MAGI1: variants seen among roughly 807,000 people sequenced by gnomAD.
MAGI1 encodes the protein membrane associated guanylate kinase, WW and PDZ domain containing 1, also known as membrane-associated guanylate kinase, WW and PDZ domain-containing protein 1.
In MAGI1, 58 loss-of-function variants were observed where a neutral mutation model predicts 139.9. The observed-to-expected ratio is 0.41, with a 90% confidence interval of 0.34 to 0.52. The LOEUF (loss-of-function observed/expected upper bound fraction) is 0.52. Among genes scored for constraint, MAGI1 ranks in the 20% least tolerant of loss-of-function variants. The pLI is 0.12. For synonymous variants in MAGI1, 812 were observed against 737.9 expected (o/e 1.10, Z -1.63); for missense variants, 1,874 against 1,901.6 (o/e 0.99, Z 0.27).
chr3:65,690,021 T>C (rs1227488620), intron 1 of MAGI1, among the ~76,000 whole-genome samples: 1 of 152,102 alleles, frequency 6.6e-6, no homozygotes, highest in African/African-American at 2.4e-5. Context: ...AGGTTGACCC[T>C]ACTCCTTGGC....
chr3:65,891,430 C>G (rs1030358772), intron 1 of MAGI1, among the ~76,000 whole-genome samples: 1 of 151,956 alleles, frequency 6.6e-6, no homozygotes, highest in Non-Finnish European at 1.5e-5. Flanking sequence ...TAGGTAAGCA[C>G]CATCAATAAA....
Position 65,767,434 on chromosome 3 carries a change from G to A in MAGI1, c.314-145346C>T, listed in dbSNP as rs552010882. The stretch of plus-strand genomic sequence containing the variant: ...AGCCTGGCCAACATGGTGAAATCTC[G>A]TTTCTACTAAAAACACAGAAAAGAA... On this transcript the variant is annotated intron_variant, in intron 1 of 22. Transcript: ENST00000402939. 1.4e-4 allele frequency among the ~76,000 whole-genome samples: 21 copies of A among 151,098 alleles called. 1 individual carries two copies. The highest frequency in any genetic ancestry group is 6.9e-3 in the Middle Eastern group (2 of 290).
chr3:65,905,050 G>T (rs2061381778), intron 1 of MAGI1, among the ~76,000 whole-genome samples: 1 of 152,126 alleles, frequency 6.6e-6, no homozygotes, highest in Non-Finnish European at 1.5e-5. Flanking sequence ...ATACACAGGG[G>T]AGCTTAAAAA....
intron 1 of MAGI1, among the ~76,000 whole-genome samples, chr3:65,765,280 AG>A (rs2037374784): frequency 6.6e-6 from 1 of 152,178 alleles, no homozygotes; most frequent in Non-Finnish European, 1.5e-5. Context: ...TTACCAAAGG[AG>A]GGGAAAGGCT....
chr3:65,464,571 C>G (rs76685979), intron 5 of MAGI1, among the ~76,000 whole-genome samples: 1,998 of 152,216 alleles, frequency 0.013, 47 homozygotes, highest in African/African-American at 0.045. Context: ...CTGTATCTGA[C>G]ATTAATATGT....
intron 2 of MAGI1, among the ~76,000 whole-genome samples, chr3:65,593,891 T>C (rs557064045): frequency 1.3e-5 from 2 of 152,280 alleles, no homozygotes; most frequent in East Asian, 3.9e-4. Context: ...AGAAATATGT[T>C]TTTTTCTTTT....
rs553147432 is a variant in MAGI1 at position 66,032,391 on chromosome 3, T to G, written c.313+5605A>C. Among the ~76,000 whole-genome samples, 15 of 147,956 alleles carry G rather than the reference T, an allele frequency of 1.0e-4. No homozygotes were observed. In the South Asian group the frequency reaches 1.7e-3, roughly 17 times the overall value. On this transcript the variant is annotated intron_variant, in intron 1 of 22. Coordinates refer to ENST00000402939, the MANE Select transcript of MAGI1 (RefSeq NM_001033057.2). ...ACGCCCGGCTAATTTTTTTGTTTTT[T>G]TTTTTTTTTTAGTAGAGACAGGGTT... is the stretch of plus-strand genomic sequence containing the variant.
At chr3:65,490,689 A>G (rs1031698682) in intron 3 of MAGI1, among the ~76,000 whole-genome samples, 14 of 151,712 alleles carry the variant, frequency 9.2e-5, no homozygotes, top group African/African-American at 3.4e-4. Context: ...ACTAAAATAT[A>G]AAAACTTAGC....
At chr3:65,923,463 G>A (rs1017951109) in intron 1 of MAGI1, among the ~76,000 whole-genome samples, 1 of 151,938 alleles carries the variant, frequency 6.6e-6, no homozygotes, top group Non-Finnish European at 1.5e-5. Flanking sequence ...TTGACCTCAT[G>A]ATCCGCCCAC....
chr3:65,577,042 T>C (rs1388784200), intron 2 of MAGI1, among the ~76,000 whole-genome samples: 2 of 152,166 alleles, frequency 1.3e-5, no homozygotes, highest in African/African-American at 2.4e-5. Flanking sequence ...CCATGGCACA[T>C]TAAGTTCGAT....
chr3:65,870,649 G>C (rs1013140033), intron 1 of MAGI1, among the ~76,000 whole-genome samples: 2 of 150,306 alleles, frequency 1.3e-5, no homozygotes, highest in Admixed American at 1.3e-4. Flanking sequence ...AGGGTGGGGG[G>C]GGTAGGAAAG....
intron 1 of MAGI1, among the ~76,000 whole-genome samples, chr3:65,632,877 C>T (rs61006787): frequency 0.028 from 4,289 of 152,250 alleles, 83 homozygotes; most frequent in Middle Eastern, 0.054. Flanking sequence ...TCAAGTAATA[C>T]TTGGTGTGGA....
chr3:65,941,223 T>C (rs746439133), intron 1 of MAGI1, among the ~76,000 whole-genome samples: 2 of 151,932 alleles, frequency 1.3e-5, no homozygotes, highest in African/African-American at 2.4e-5. Context: ...AGCAGGTGCC[T>C]GTAATCCCAG....
At chr3:65,869,205 G>A (rs1418430726) in intron 1 of MAGI1, among the ~76,000 whole-genome samples, 1 of 145,648 alleles carries the variant, frequency 6.9e-6, no homozygotes. Flanking sequence ...GCAGTGAGCC[G>A]AGATCGCGCC....
At chr3:65,786,241 C>A (rs1294120409) in intron 1 of MAGI1, among the ~76,000 whole-genome samples, 1 of 136,884 alleles carries the variant, frequency 7.3e-6, no homozygotes, top group African/African-American at 2.7e-5. Context: ...CCACGCCCAG[C>A]CAATCATAAC....
intron 1 of MAGI1, among the ~76,000 whole-genome samples, chr3:65,696,097 G>A (rs747863530): frequency 1.3e-5 from 2 of 152,088 alleles, no homozygotes; most frequent in Non-Finnish European, 2.9e-5. Flanking sequence ...CTTCACTGGC[G>A]TCTTTACTAT....
chr3:65,477,705 A>ATT (rs1293078224), intron 4 of MAGI1, among the ~76,000 whole-genome samples: 220 of 111,428 alleles, frequency 2.0e-3, no homozygotes, highest in South Asian at 4.4e-3. Context: ...TATTATTATT[A>ATT]TTATTATTTT....
chr3:65,766,305 A>G (rs796533945), intron 1 of MAGI1, among the ~76,000 whole-genome samples: 2 of 152,290 alleles, frequency 1.3e-5, no homozygotes, highest in African/African-American at 2.4e-5. Flanking sequence ...AGGAGTCCCA[A>G]TTCCTGGCCT....
At chr3:65,587,761 C>G (rs139507730) in intron 2 of MAGI1, among the ~76,000 whole-genome samples, 1 of 152,076 alleles carries the variant, frequency 6.6e-6, no homozygotes, top group Non-Finnish European at 1.5e-5. Flanking sequence ...AGATTACAGA[C>G]GTGAACCAAG....
Sources: gnomAD v4.1 joint callset for allele counts (sites outside exome capture counted in the v4.1 genomes callset) on GRCh38, gnomAD v4.1.1 for gene constraint, MANE v1.5 for transcripts, NCBI Gene and HGNC (gene_info 2026-07-23, HGNC 2026-07-21) for gene names.